Variants in PIK3C2G observed in about 807,000 individuals in gnomAD.
The protein encoded by PIK3C2G is phosphatidylinositol 3-kinase C2 domain-containing subunit gamma.
A neutral mutation model predicts 181.1 loss-of-function variants in PIK3C2G; 168 were observed. The observed-to-expected ratio is 0.93, with a 90% CI of 0.82 to 1.05. PIK3C2G has a LOEUF of 1.05. Among genes scored for constraint, PIK3C2G ranks in the 50% least tolerant of loss-of-function variants. The probability of loss-of-function intolerance (pLI) is 0.00; values close to 1 mark genes in which losing one functional copy is unlikely to be tolerated. For missense variants in PIK3C2G, 1,869 were observed against 1,732.8 expected (o/e 1.08, Z -1.40); for synonymous variants, 573 against 592.2 (o/e 0.97, Z 0.47).
At chr12:18,400,389 T>C (rs1031933934) in intron 16 of PIK3C2G, among the ~76,000 whole-genome samples, 9 of 152,202 alleles carry the variant, frequency 5.9e-5, no homozygotes, top group Admixed American at 1.3e-4. Flanking sequence ...TAGGAACAAC[T>C]GTGGTAGCTG....
chr12:18,618,877 T>G (rs1438727579), intron 31 of PIK3C2G, among the ~76,000 whole-genome samples: 2 of 152,040 alleles, frequency 1.3e-5, no homozygotes, highest in African/African-American at 4.8e-5. Context: ...GAAGATAGAC[T>G]CATAGAAATT....
At chr12:18,245,292 CTCAG>C (rs1948028424), upstream of PIK3C2G, among the ~76,000 whole-genome samples, 1 of 152,082 alleles carries the variant, frequency 6.6e-6, no homozygotes, top group Admixed American at 6.5e-5. Context: ...CCAATTTTAA[CTCAG>C]TCAGCGCTGC....
Position 18,503,723 on chromosome 12 carries a change from T to A in PIK3C2G, c.3153+306T>A, listed in dbSNP as rs1032798694. 1.4e-3 allele frequency among the ~76,000 whole-genome samples: 214 copies of A among 152,230 alleles called. 3 individuals are homozygous for A. The highest frequency in any genetic ancestry group is 4.0e-4 in the Non-Finnish European group (27 of 68,042). On this transcript the variant is annotated intron_variant, in intron 23 of 32. Coordinates refer to ENST00000538779, the MANE Select transcript of PIK3C2G (RefSeq NM_001288772.2). ...TTGAAATTACCTCATTTAAGTAATC[T>A]ACAACTTCTATAAATATCCCTTCTT...
intron 1 of PIK3C2G, among the ~76,000 whole-genome samples, chr12:18,264,362 C>A (rs1948385009): frequency 6.6e-6 from 1 of 152,032 alleles, no homozygotes; most frequent in Non-Finnish European, 1.5e-5. Flanking sequence ...GTTCACTCAC[C>A]TCCCCTTCTG....
At chr12:18,488,314 TC>T in intron 18 of PIK3C2G, 134 bp from the exon 19 acceptor site, 1 of 436,664 alleles carries the variant, frequency 2.3e-6, no homozygotes, top group African/African-American at 2.0e-5. Flanking sequence ...AACAACATTT[TC>T]CCCATTCTAG....
intron 15 of PIK3C2G, among the ~76,000 whole-genome samples, chr12:18,395,890 GA>G (rs1241271140): frequency 6.7e-6 from 1 of 149,128 alleles, no homozygotes; most frequent in Non-Finnish European, 1.5e-5. Flanking sequence ...AAAAACCAAG[GA>G]GAAGATAAAA....
intron 29 of PIK3C2G, among the ~76,000 whole-genome samples, chr12:18,577,419 C>T (rs1946289017): frequency 6.6e-6 from 1 of 152,094 alleles, no homozygotes; most frequent in South Asian, 2.1e-4. Flanking sequence ...GAGATGTTTT[C>T]GTCTTGTTTT....
chr12:18,302,407 C>T (rs1403918514), intron 5 of PIK3C2G, among the ~76,000 whole-genome samples: 1 of 152,134 alleles, frequency 6.6e-6, no homozygotes, highest in Non-Finnish European at 1.5e-5. Context: ...TGGGTTCCAG[C>T]AGTGGTGGTG....
chr12:18,564,000 AATGT>A (rs1334061955), intron 28 of PIK3C2G, among the ~76,000 whole-genome samples: 6 of 150,844 alleles, frequency 4.0e-5, no homozygotes, highest in Non-Finnish European at 5.9e-5. Flanking sequence ...AAAAAATGTA[AATGT>A]ATTTATATCA....
At chr12:18,693,783 C>T in the PIK3C2G span, 3 of 1,513,314 alleles carry the variant, frequency 2.0e-6, no homozygotes, top group African/African-American at 4.1e-5. Flanking sequence ...CAAATAGAAA[C>T]TTTGGATCCA....
At chr12:18,312,938 T>A (rs1417703008) in intron 5 of PIK3C2G, among the ~76,000 whole-genome samples, 1 of 152,138 alleles carries the variant, frequency 6.6e-6, no homozygotes, top group Non-Finnish European at 1.5e-5. Flanking sequence ...GGTCTATTTG[T>A]CTGGCATTGT....
chr12:18,693,220 G>C, the PIK3C2G span: 2 of 1,566,124 alleles, frequency 1.3e-6, no homozygotes, highest in Middle Eastern at 1.7e-4. Context: ...GAACCTGGCT[G>C]CTCGGTCAGG....
intron 21 of PIK3C2G, among the ~76,000 whole-genome samples, chr12:18,496,665 G>T (rs1941036295): frequency 6.6e-6 from 1 of 152,086 alleles, no homozygotes; most frequent in African/African-American, 2.4e-5. Context: ...AGGTTTATAA[G>T]CACGTAGGAA....
chr12:18,275,414 T>A (rs1401181331), intron 1 of PIK3C2G, among the ~76,000 whole-genome samples: 2 of 152,168 alleles, frequency 1.3e-5, no homozygotes, highest in Non-Finnish European at 2.9e-5. Context: ...GGAGTTTCGC[T>A]CTTGTTGCCC....
intron 24 of PIK3C2G, among the ~76,000 whole-genome samples, chr12:18,533,281 A>G (rs1035921737): frequency 2.6e-5 from 4 of 152,110 alleles, no homozygotes; most frequent in Non-Finnish European, 5.9e-5. Context: ...AAGCCACCTC[A>G]AATATAACTT....
chr12:18,541,635 G>A (rs1036266441), intron 25 of PIK3C2G, among the ~76,000 whole-genome samples: 8 of 151,884 alleles, frequency 5.3e-5, no homozygotes, highest in Non-Finnish European at 1.0e-4. Flanking sequence ...GAGAACAGAA[G>A]TAAAGACTTC....
intron 18 of PIK3C2G, among the ~76,000 whole-genome samples, chr12:18,435,302 T>C (rs6486904): frequency 0.016 from 2,439 of 152,250 alleles, 75 homozygotes; most frequent in African/African-American, 0.056. Context: ...TTCTACTTTA[T>C]AGCTAGCACC....
rs1949470717 is a variant in PIK3C2G at position 18,286,932 on chromosome 12, G to A, written c.761+3G>A. 2.0e-6 allele frequency: 3 copies of A among 1,510,330 alleles called. No individual in the cohort carries two copies. The highest frequency in any genetic ancestry group is 1.3e-5 in the South Asian group (1 of 79,686). 93.6% of individuals were successfully genotyped at this position (1,510,330 alleles called of 1,614,324 possible). ...TCTTTTTGCAACAAAGTAAAAAAGT[G>A]AGTACTGGTATTTCATTAAACTTTG... On this transcript the variant is annotated splice_donor_region_variant and intron_variant, in intron 3 of 32. Coordinates refer to ENST00000538779, the MANE Select transcript of PIK3C2G (RefSeq NM_001288772.2).
chr12:18,444,225 C>A (rs757537750), intron 18 of PIK3C2G, among the ~76,000 whole-genome samples: 5 of 152,100 alleles, frequency 3.3e-5, no homozygotes, highest in Non-Finnish European at 7.4e-5. Context: ...GAACGGCCAC[C>A]CCTGTCTTTA....
Sources: allele counts gnomAD v4.1 joint callset (sites outside exome capture counted in the v4.1 genomes callset), GRCh38; gene constraint gnomAD v4.1.1; transcripts MANE v1.5; gene names NCBI Gene and HGNC (gene_info 2026-07-23, HGNC 2026-07-21).